Variants in HAUS7 observed in about 807,000 individuals in gnomAD.
HAUS7 encodes the protein HAUS augmin-like complex subunit 7.
In HAUS7, 3 loss-of-function variants were observed where a neutral mutation model predicts 28.4. The observed-to-expected ratio is 0.11, with a 90% CI of 0.05 to 0.27. HAUS7 has a LOEUF of 0.27. Ranked by LOEUF, HAUS7 falls within the 10% of genes least tolerant of loss-of-function variation. HAUS7 has a pLI of 1.00. For missense variants in HAUS7, 284 were observed against 297.3 expected (o/e 0.96, Z 0.33); for synonymous variants, 165 against 132.1 (o/e 1.25, Z -1.71).
chrX:153,454,606 C>A, intron 8 of HAUS7, 98 bp from the exon 9 acceptor site: 2 of 548,001 alleles, frequency 3.6e-6, no homozygotes, highest in Non-Finnish European at 6.2e-6. Flanking sequence ...TGCTTCCCAC[C>A]CCCACTCACA....
In HAUS7 at chrX:153,470,442, A is replaced by G; in HGVS notation, c.108+8T>C. ...CCGCCCTGGAGTGGCTTTCTGGGCC[A>G]ACAGCACCTTCAGCTTCCCGAACAC... On this transcript the variant is annotated splice_region_variant and intron_variant, in intron 1 of 9. Coordinates refer to ENST00000370211, the MANE Select transcript of HAUS7 (RefSeq NM_001385482.1). 1 of 1,191,879 alleles carries G rather than the reference A, an allele frequency of 8.4e-7. No individual in the cohort carries two copies. Among genetic ancestry groups the G allele is most frequent in the Non-Finnish European group, 1.1e-6 (1 of 884,264 alleles).
chrX:153,448,646 T>C (rs1341455895), intron 9 of HAUS7, among the ~76,000 whole-genome samples: 1 of 112,359 alleles, frequency 8.9e-6, no homozygotes, highest in African/African-American at 3.2e-5. Context: ...AGGTGCCTCC[T>C]GCCCACCACT....
At chrX:153,465,591 A>G (rs2089446050) in intron 2 of HAUS7, among the ~76,000 whole-genome samples, 1 of 112,739 alleles carries the variant, frequency 8.9e-6, no homozygotes, top group Non-Finnish European at 1.9e-5. Context: ...GTCGAGGCTC[A>G]TCACCTTGGG....
intron 8 of HAUS7, 135 bp downstream of exon 8, chrX:153,455,407 C>T (rs1169196370): frequency 2.9e-5 from 14 of 478,817 alleles, no homozygotes; most frequent in Non-Finnish European, 5.0e-5. Flanking sequence ...AGCCCAGCCC[C>T]TCCCAGCCCC....
At chrX:153,457,349 T>C (rs1684443633) in intron 4 of HAUS7, 121 bp from the exon 5 acceptor site, 1 of 499,936 alleles carries the variant, frequency 2.0e-6, no homozygotes, top group Non-Finnish European at 3.4e-6. Context: ...AGGAGGGGCC[T>C]GGCCCATCAA....
At chrX:153,493,699 G>C (rs1556990106) in intron 1 of HAUS7, among the ~76,000 whole-genome samples, 1 of 111,426 alleles carries the variant, frequency 9.0e-6, no homozygotes, top group Admixed American at 9.4e-5. Context: ...CCAGGTCCTA[G>C]CCAGGCCCTG....
chrX:153,462,466 G>A (rs1037114390), intron 4 of HAUS7, 144 bp downstream of exon 4: 11 of 529,564 alleles, frequency 2.1e-5, no homozygotes, highest in East Asian at 7.3e-5. Context: ...CAGCCTGCCC[G>A]GGCACCCAGC....
In HAUS7 at chrX:153,454,869, G is replaced by A. The variant is rs185838117; in HGVS notation, c.931-361C>T. On this transcript the variant is annotated intron_variant, in intron 8 of 9. Transcript: ENST00000370211. ...AGAAAAATGGACAGGAGAGGGCTGT[G>A]GCCTCACCATCCCTGATCGAGGGGT... The A allele has an allele frequency of 3.1e-4, 307 of 1,003,265 alleles. No individual in the cohort carries two copies. The African/African-American group carries it at 5.3e-3, about 17-fold the overall frequency. The allele number at this position is 1,003,265 out of a possible 1,213,427, so 82.7% of individuals were successfully genotyped here. A position where few individuals can be genotyped will look rare whatever the true frequency, so the allele number is the denominator to read the frequency against.
intron 1 of HAUS7, among the ~76,000 whole-genome samples, chrX:153,485,146 C>T (rs1556988205): frequency 8.9e-6 from 1 of 112,128 alleles, no homozygotes. Context: ...GCAGCCTGAA[C>T]TCCACTATCG....
At chrX:153,471,524 C>G (rs1556985375), upstream of HAUS7, among the ~76,000 whole-genome samples, 1 of 112,746 alleles carries the variant, frequency 8.9e-6, no homozygotes, top group African/African-American at 3.2e-5. Flanking sequence ...TGCAAAGCCC[C>G]CAGTTCACTG....
chrX:153,455,826 G>A (rs782612324), intron 7 of HAUS7, 60 bp from the exon 8 acceptor site: 38 of 693,259 alleles, frequency 5.5e-5, no homozygotes, highest in Middle Eastern at 3.9e-4. Context: ...GGCTGCCACC[G>A]GCCCTCACCT....
chrX:153,480,407 T>G (rs1184719372), intron 1 of HAUS7, among the ~76,000 whole-genome samples: 1 of 111,137 alleles, frequency 9.0e-6, no homozygotes, highest in Non-Finnish European at 1.9e-5. Context: ...GCTGGTGGCC[T>G]GCTGCTGACG....
At chrX:153,457,276 C>T in intron 4 of HAUS7, 48 bp from the exon 5 acceptor site, 2 of 868,190 alleles carry the variant, frequency 2.3e-6, no homozygotes, top group Non-Finnish European at 3.4e-6. Flanking sequence ...CTAAGCCAGG[C>T]CAAGGCCAGC....
Position 153,469,005 on chromosome X carries a change from C to T in HAUS7, c.224+141G>A, listed in dbSNP as rs2089486923. 4 of 468,630 alleles carry T rather than the reference C, an allele frequency of 8.5e-6. No homozygotes were observed. In the Admixed American group the frequency reaches 1.3e-4, roughly 16 times the overall value. The allele number at this position is 468,630 out of a possible 1,213,427, so 38.6% of individuals were successfully genotyped here. On this transcript the variant is annotated intron_variant, in intron 2 of 9. Coordinates refer to ENST00000370211, the MANE Select transcript of HAUS7 (RefSeq NM_001385482.1). ...AGTACTCCTTACCTACACAGCTGTTCTCACGAGGGTCCAGGCTAGGGGGTG... is the reference window on the plus strand; with the variant it reads ...AGTACTCCTTACCTACACAGCTGTTTTCACGAGGGTCCAGGCTAGGGGGTG...
intron 1 of HAUS7, chrX:153,486,232 C>T (rs1431820445): frequency 7.7e-6 from 3 of 387,904 alleles, no homozygotes; most frequent in Middle Eastern, 1.1e-3. Context: ...CCTTTGGGCT[C>T]CTTACCCACA....
upstream of HAUS7, among the ~76,000 whole-genome samples, chrX:153,472,500 C>G (rs1009410988): frequency 3.0e-5 from 3 of 101,457 alleles, no homozygotes; most frequent in Non-Finnish European, 4.0e-5. Flanking sequence ...CATCTTCCTC[C>G]GGAAAAGCTG....
intron 1 of HAUS7, chrX:153,486,827 C>T (rs2089641989): frequency 5.1e-6 from 5 of 978,009 alleles, no homozygotes; most frequent in Non-Finnish European, 6.6e-6. Context: ...CTGCCGCCTT[C>T]CTCCAGCACA....
chrX:153,483,480 A>T, intron 1 of HAUS7: 1 of 754,300 alleles, frequency 1.3e-6, no homozygotes, highest in Non-Finnish European at 1.6e-6. Context: ...CCCAATGGGC[A>T]TTCGGAGGCA....
intron 2 of HAUS7, among the ~76,000 whole-genome samples, chrX:153,468,207 C>A (rs2089477466): frequency 8.9e-6 from 1 of 112,318 alleles, no homozygotes. Flanking sequence ...TCCTGGCGGG[C>A]CAGACCGGCT....
Sources: gnomAD v4.1 joint callset for allele counts (sites outside exome capture counted in the v4.1 genomes callset) on GRCh38, gnomAD v4.1.1 for gene constraint, MANE v1.5 for transcripts, NCBI Gene and HGNC (gene_info 2026-07-23, HGNC 2026-07-21) for gene names.